Variants in GPHN observed in about 807,000 individuals in gnomAD.
GPHN encodes gephyrin.
In GPHN, 17 loss-of-function variants were observed where a neutral mutation model predicts 95.5. That is an observed-to-expected ratio of 0.18 (90% CI 0.12 to 0.27). GPHN has a LOEUF of 0.27. Ranked by LOEUF, GPHN falls within the 10% of genes least tolerant of loss-of-function variation. The pLI is 1.00. For missense variants in GPHN, 660 were observed against 978.1 expected (o/e 0.67, Z 4.34); for synonymous variants, 320 against 322.5 (o/e 0.99, Z 0.08).
At chr14:67,116,297 AAG>A (rs2078690169) in intron 16 of GPHN, among the ~76,000 whole-genome samples, 1 of 150,288 alleles carries the variant, frequency 6.7e-6, no homozygotes. Context: ...AGAAAAGAAA[AAG>A]AAAGAAAGAA....
chr14:67,215,426 C>A, the GPHN span, among the ~76,000 whole-genome samples: 1 of 150,692 alleles, frequency 6.6e-6, no homozygotes, highest in Non-Finnish European at 1.5e-5. Context: ...TTTATGATAA[C>A]CACTGAGCTA....
chr14:67,228,280 TGTA>T, the GPHN span: 1 of 244,124 alleles, frequency 4.1e-6, no homozygotes, highest in Non-Finnish European at 6.6e-6. Flanking sequence ...GAAGAAAAGT[TGTA>T]GTATAAATAT....
intron 1 of GPHN, among the ~76,000 whole-genome samples, chr14:66,650,308 A>T (rs2064981521): frequency 6.6e-6 from 1 of 152,202 alleles, no homozygotes; most frequent in African/African-American, 2.4e-5. Flanking sequence ...TCAAAAGAAA[A>T]GAACATGAAC....
intron 9 of GPHN, among the ~76,000 whole-genome samples, chr14:66,999,090 A>C (rs2153609266): frequency 6.6e-6 from 1 of 152,044 alleles, no homozygotes; most frequent in African/African-American, 2.4e-5. Context: ...CTAGCAAGTG[A>C]GTGGCAGAAA....
At chr14:67,598,915 G>A in the GPHN span, among the ~76,000 whole-genome samples, 5 of 146,404 alleles carry the variant, frequency 3.4e-5, no homozygotes, top group Non-Finnish European at 7.5e-5. Context: ...TCACCATGTT[G>A]GCCAGGCTGG....
At chr14:67,587,179 GGAC>G in the GPHN span, 1 of 1,613,814 alleles carries the variant, frequency 6.2e-7, no homozygotes, top group East Asian at 2.2e-5. Context: ...GGAACTGGAT[GGAC>G]GACAGTTCTT....
chr14:67,340,644 C>G, the GPHN span: 18 of 786,260 alleles, frequency 2.3e-5, no homozygotes, highest in East Asian at 2.9e-4. Context: ...ATGCAGAGAA[C>G]TTGGAAAATA....
At chr14:67,443,158 A>T in the GPHN span, among the ~76,000 whole-genome samples, 1 of 152,016 alleles carries the variant, frequency 6.6e-6, no homozygotes, top group Non-Finnish European at 1.5e-5. Context: ...GAGGCAGAGG[A>T]TACACTGAGC....
chr14:66,771,095 G>A (rs2059150845), intron 2 of GPHN, among the ~76,000 whole-genome samples: 1 of 152,006 alleles, frequency 6.6e-6, no homozygotes, highest in African/African-American at 2.4e-5. Context: ...GGCTCCAATG[G>A]TCACACCCTA....
intron 9 of GPHN, among the ~76,000 whole-genome samples, chr14:66,970,215 T>G (rs893073486): frequency 3.9e-5 from 6 of 152,022 alleles, no homozygotes; most frequent in Admixed American, 6.6e-5. Flanking sequence ...ATATGAGGGA[T>G]ATATACCTTT....
intron 1 of GPHN, among the ~76,000 whole-genome samples, chr14:66,672,128 T>C (rs975584917): frequency 6.6e-6 from 1 of 152,168 alleles, no homozygotes; most frequent in African/African-American, 2.4e-5. Flanking sequence ...TCCCTTACAT[T>C]TTGATAAATT....
At chr14:67,162,952 A>G (rs1433804128) in intron 19 of GPHN, among the ~76,000 whole-genome samples, 1 of 152,186 alleles carries the variant, frequency 6.6e-6, no homozygotes, top group Admixed American at 6.5e-5. Flanking sequence ...TTGTTACCTT[A>G]TAAGCTTGTT....
intron 1 of GPHN, among the ~76,000 whole-genome samples, chr14:66,667,493 A>C (rs893618391): frequency 6.6e-6 from 1 of 152,212 alleles, no homozygotes; most frequent in African/African-American, 2.4e-5. Context: ...TCCAAAAATA[A>C]GACTGCACAT....
the GPHN span, among the ~76,000 whole-genome samples, chr14:67,202,832 C>G: frequency 6.6e-6 from 1 of 152,184 alleles, no homozygotes; most frequent in Admixed American, 6.5e-5. Context: ...TGGACTTGTA[C>G]TTGGTAAAAC....
the GPHN span, chr14:67,320,088 T>C: frequency 1.7e-6 from 1 of 602,996 alleles, no homozygotes; most frequent in Non-Finnish European, 2.7e-6. Context: ...TGTTGTCTGA[T>C]TCATTTTCAT....
intron 18 of GPHN, among the ~76,000 whole-genome samples, chr14:67,143,728 A>G (rs2080642352): frequency 6.6e-6 from 1 of 152,058 alleles, no homozygotes. Context: ...ATTTTACTAC[A>G]TTAGGACATC....
chr14:66,880,998 T>A lies in GPHN; in HGVS notation c.389+965T>A, dbSNP rs17836604. On this transcript the variant is annotated intron_variant, in intron 5 of 22. Transcript: ENST00000478722. ...CTGTATAGTTTCAGGGTTTCATAAT[T>A]TATAGCCCTTTATGTATCCTGTGTG... Among the ~76,000 whole-genome samples, 6,340 of 151,990 alleles carry A rather than the reference T, an allele frequency of 0.042. 812 individuals carry two copies. The East Asian group carries it at 0.42, about 10-fold the overall frequency.
downstream of GPHN, among the ~76,000 whole-genome samples, chr14:67,184,447 A>AGGTGAT (rs760631017): frequency 3.5e-4 from 53 of 152,228 alleles, no homozygotes; most frequent in Non-Finnish European, 6.2e-4. Flanking sequence ...GAGGGGGTAG[A>AGGTGAT]GGTGATGGTG....
intron 1 of GPHN, among the ~76,000 whole-genome samples, chr14:66,512,491 TA>T (rs1263450644): frequency 6.6e-6 from 1 of 151,822 alleles, no homozygotes; most frequent in African/African-American, 2.4e-5. Context: ...TTGTCACTAA[TA>T]GGGGCATGAA....
Sources: gnomAD v4.1 joint callset for allele counts (sites outside exome capture counted in the v4.1 genomes callset) on GRCh38, gnomAD v4.1.1 for gene constraint, MANE v1.5 for transcripts, NCBI Gene and HGNC (gene_info 2026-07-23, HGNC 2026-07-21) for gene names.